Variants in EFR3A observed in about 807,000 individuals in gnomAD.
EFR3A encodes the protein protein EFR3 homolog A.
EFR3A carries 76 observed loss-of-function variants against 104.4 expected under a neutral mutation model. That is an observed-to-expected ratio of 0.73 (90% confidence interval 0.60 to 0.88). EFR3A has a LOEUF of 0.88. EFR3A is among the 40% of genes least tolerant of loss of function. The probability of loss-of-function intolerance (pLI) is 0.00; values close to 1 mark genes in which losing one functional copy is unlikely to be tolerated. For missense variants in EFR3A, 985 were observed against 1,012.5 expected, an observed-to-expected ratio of 0.97 and a Z score of 0.37; for synonymous variants, 330 against 330.0, an observed-to-expected ratio of 1.00 and a Z score of 0.00.
At chr8:131,998,625 A>G (rs2130796215) in intron 19 of EFR3A, among the ~76,000 whole-genome samples, 1 of 152,180 alleles carries the variant, frequency 6.6e-6, no homozygotes, top group African/African-American at 2.4e-5. Flanking sequence ...GTTGCCATAT[A>G]TAAAAAGATG....
intron 1 of EFR3A, among the ~76,000 whole-genome samples, chr8:131,912,438 T>C (rs1816554123): frequency 6.6e-6 from 1 of 152,212 alleles, no homozygotes; most frequent in African/African-American, 2.4e-5. Context: ...TTTTGGTCTC[T>C]TAGATTACCA....
chr8:131,966,951 A>G (rs1819773171), intron 8 of EFR3A, among the ~76,000 whole-genome samples: 1 of 152,190 alleles, frequency 6.6e-6, no homozygotes, highest in African/African-American at 2.4e-5. Flanking sequence ...AAGTAGAAAG[A>G]ACACATGCTC....
chr8:132,010,975 G>C lies in EFR3A; in HGVS notation c.*80G>C. On this transcript the variant is annotated 3_prime_UTR_variant, in exon 23 of 23. Coordinates refer to ENST00000254624, the MANE Select transcript of EFR3A (RefSeq NM_015137.6). ...GCTGAGCTTTCAGGGTTTACTTAAT[G>C]TGTATTAACATACTTCTTGAAAATA... is the stretch of plus-strand genomic sequence containing the variant. 2 of 1,454,518 alleles carry C rather than the reference G, an allele frequency of 1.4e-6. No homozygotes were observed. Among genetic ancestry groups the C allele is most frequent in the Non-Finnish European group, 1.8e-6 (2 of 1,082,218 alleles). 90.1% of individuals were successfully genotyped at this position (1,454,518 alleles called of 1,614,324 possible).
chr8:131,926,379 AT>A (rs1479258667), intron 1 of EFR3A, among the ~76,000 whole-genome samples: 2 of 152,162 alleles, frequency 1.3e-5, no homozygotes, highest in Non-Finnish European at 2.9e-5. Context: ...AAAATAGCAC[AT>A]TTTAAACACC....
chr8:131,972,643 T>A (rs780822448), intron 10 of EFR3A, among the ~76,000 whole-genome samples: 1 of 152,142 alleles, frequency 6.6e-6, no homozygotes, highest in Non-Finnish European at 1.5e-5. Flanking sequence ...GATAGCCAGA[T>A]CATATTTTAA....
intron 19 of EFR3A, 75 bp from the exon 20 acceptor site, chr8:132,001,684 G>A (rs890315991): frequency 1.5e-6 from 2 of 1,296,412 alleles, no homozygotes; most frequent in African/African-American, 2.9e-5. Context: ...CTTCTTAGAT[G>A]ACTTGTAACT....
chr8:131,934,680 G>A (rs1294544089), intron 1 of EFR3A, among the ~76,000 whole-genome samples: 3 of 150,984 alleles, frequency 2.0e-5, no homozygotes, highest in Non-Finnish European at 4.4e-5. Context: ...TATATAATAC[G>A]TGTGTGTGTG....
At chr8:131,982,114 T>C (rs1820646659) in intron 14 of EFR3A, among the ~76,000 whole-genome samples, 1 of 152,110 alleles carries the variant, frequency 6.6e-6, no homozygotes, top group African/African-American at 2.4e-5. Context: ...AACTCCATCC[T>C]CTCCCCTACA....
chr8:131,959,345 A>G (rs778442681), intron 7 of EFR3A, among the ~76,000 whole-genome samples: 6 of 152,258 alleles, frequency 3.9e-5, no homozygotes, highest in Non-Finnish European at 5.9e-5. Flanking sequence ...AAAAAAATGG[A>G]ATCAATAAAT....
At chr8:131,949,320 A>G (rs1327060987) in intron 4 of EFR3A, among the ~76,000 whole-genome samples, 1 of 152,290 alleles carries the variant, frequency 6.6e-6, no homozygotes, top group East Asian at 1.9e-4. Flanking sequence ...TTACAGCTAA[A>G]TAACTTGTCC....
At chr8:132,010,731 C>A (rs772570211) in intron 22 of EFR3A, 59 bp from the exon 23 acceptor site, 1 of 1,566,850 alleles carries the variant, frequency 6.4e-7, no homozygotes, top group South Asian at 1.2e-5. Flanking sequence ...ATAGAATACT[C>A]GGTGAAATGA....
At chr8:131,977,592 C>G (rs926728590) in intron 12 of EFR3A, among the ~76,000 whole-genome samples, 63 of 152,290 alleles carry the variant, frequency 4.1e-4, no homozygotes, top group African/African-American at 1.5e-3. Flanking sequence ...GAAAGGTCCT[C>G]TGGTTATTGT....
intron 8 of EFR3A, among the ~76,000 whole-genome samples, chr8:131,962,461 G>A (rs1235074294): frequency 2.6e-5 from 4 of 152,134 alleles, no homozygotes; most frequent in Non-Finnish European, 5.9e-5. Flanking sequence ...AAGAAACAAA[G>A]AAGGCTATTA....
chr8:131,949,419 T>A (rs960675889), intron 4 of EFR3A, among the ~76,000 whole-genome samples: 7 of 152,178 alleles, frequency 4.6e-5, no homozygotes, highest in African/African-American at 1.7e-4. Context: ...TGTACAATGA[T>A]AAATACACTG....
At position 131,950,343 on chromosome 8, in the gene EFR3A, T is replaced by A. The variant is rs572411605; in HGVS notation, c.488+253T>A. ...TACTCTGTCAGATCCTGTCCTTCTATCATTTCTTCCTACCTTCACTCTAAT... is the reference window on the plus strand; with the variant it reads ...TACTCTGTCAGATCCTGTCCTTCTAACATTTCTTCCTACCTTCACTCTAAT... On this transcript the variant is annotated intron_variant, in intron 5 of 22. Transcript: ENST00000254624. 5.7e-4 allele frequency among the ~76,000 whole-genome samples: 87 copies of A among 152,290 alleles called. 1 individual carries two copies. Among genetic ancestry groups the A allele is most frequent in the Admixed American group, 1.4e-3 (22 of 15,282 alleles).
chr8:132,000,248 C>T (rs189370910), intron 19 of EFR3A, among the ~76,000 whole-genome samples: 2,987 of 152,202 alleles, frequency 0.02, 43 homozygotes, highest in South Asian at 0.042. Context: ...CCTGCCTCAG[C>T]CTCCTGAGTA....
chr8:132,003,226 T>C lies in EFR3A; in HGVS notation c.2311-10T>C, dbSNP rs1821874518. On this transcript the variant is annotated splice_polypyrimidine_tract_variant and intron_variant, in intron 21 of 22. Transcript: ENST00000254624. The stretch of plus-strand genomic sequence containing the variant: ...ATAAACCATTCTTAACATTTTTTTC[T>C]TTTTTGCAGGCAAATTTGCTTCATG... 10 of 1,610,498 alleles carry C rather than the reference T, an allele frequency of 6.2e-6. No homozygotes were observed. The highest frequency in any genetic ancestry group is 8.5e-6 in the Non-Finnish European group (10 of 1,178,678).
intron 1 of EFR3A, among the ~76,000 whole-genome samples, chr8:131,923,582 A>T (rs1380529481): frequency 1.3e-5 from 2 of 149,626 alleles, no homozygotes; most frequent in South Asian, 2.1e-4. Context: ...TGTTATTCTG[A>T]GTCTAGGTTT....
rs549814869 is a variant in EFR3A at position 131,997,127 on chromosome 8, C to T, written c.2157+630C>T. 6.5e-4 allele frequency among the ~76,000 whole-genome samples: 99 copies of T among 152,116 alleles called. 1 individual carries two copies. Among genetic ancestry groups the T allele is most frequent in the African/African-American group, 2.3e-3 (96 of 41,542 alleles). On this transcript the variant is annotated intron_variant, in intron 19 of 22. Coordinates refer to ENST00000254624, the MANE Select transcript of EFR3A (RefSeq NM_015137.6). ...CCCTCCTGACTTATAGGGGAAAAAG[C>T]AGCCAGTATTCTCTAGGACTTATTC...
Sources: gnomAD v4.1 joint callset for allele counts (sites outside exome capture counted in the v4.1 genomes callset) on GRCh38, gnomAD v4.1.1 for gene constraint, MANE v1.5 for transcripts, NCBI Gene and HGNC (gene_info 2026-07-23, HGNC 2026-07-21) for gene names.